Variants in KCNMB4 observed in about 807,000 individuals in gnomAD.
KCNMB4 encodes potassium calcium-activated channel subfamily M regulatory beta subunit 4.
KCNMB4 carries 3 observed loss-of-function variants against 20.7 expected under a neutral mutation model. That is an observed-to-expected ratio of 0.14 (90% CI 0.07 to 0.37). The LOEUF (loss-of-function observed/expected upper bound fraction) is 0.37. Ranked by LOEUF, KCNMB4 falls within the 10% of genes least tolerant of loss-of-function variation. The pLI, the probability that KCNMB4 is intolerant of heterozygous loss-of-function variation, is 1.00. For missense variants in KCNMB4, 168 were observed against 265.9 expected, an observed-to-expected ratio of 0.63 and a Z score of 2.56; for synonymous variants, 110 against 113.4, an observed-to-expected ratio of 0.97 and a Z score of 0.19.
intron 1 of KCNMB4, among the ~76,000 whole-genome samples, chr12:70,398,620 T>C (rs910539909): frequency 5.3e-4 from 55 of 104,056 alleles, no homozygotes; most frequent in African/African-American, 2.7e-3. Flanking sequence ...TACTAAAATT[T>C]ATAATGTCTA....
intron 1 of KCNMB4, among the ~76,000 whole-genome samples, chr12:70,388,162 C>A (rs181176991): frequency 6.6e-6 from 1 of 152,068 alleles, no homozygotes; most frequent in Non-Finnish European, 1.5e-5. Flanking sequence ...GGATCTCATT[C>A]TTTTTTATAG....
intron 1 of KCNMB4, 46 bp downstream of exon 1, chr12:70,367,116 G>T: frequency 6.9e-7 from 1 of 1,447,054 alleles, no homozygotes; most frequent in Non-Finnish European, 9.2e-7. Context: ...AGGGAGGTTT[G>T]GAGGCAGCGT....
intron 1 of KCNMB4, among the ~76,000 whole-genome samples, chr12:70,385,934 G>A (rs710664): frequency 0.57 from 86,367 of 151,952 alleles, 25,836 homozygotes; most frequent in African/African-American, 0.76. Flanking sequence ...GTGAAAACAG[G>A]TAACTTTAAT....
chr12:70,371,659 T>C (rs1883598068), intron 1 of KCNMB4, among the ~76,000 whole-genome samples: 1 of 152,200 alleles, frequency 6.6e-6, no homozygotes, highest in Non-Finnish European at 1.5e-5. Context: ...TAAAATTCAA[T>C]CAGGAAATCC....
chr12:70,389,890 C>T (rs964428720), intron 1 of KCNMB4, among the ~76,000 whole-genome samples: 4 of 151,944 alleles, frequency 2.6e-5, no homozygotes, highest in African/African-American at 7.3e-5. Context: ...AATAGCTTTC[C>T]GAGAATGGGT....
At chr12:70,417,636 A>G (rs1308875108) in intron 2 of KCNMB4, among the ~76,000 whole-genome samples, 2 of 152,224 alleles carry the variant, frequency 1.3e-5, no homozygotes, top group African/African-American at 4.8e-5. Flanking sequence ...AAATACATCC[A>G]TGATATTTGC....
At chr12:70,381,770 G>A (rs562905364) in intron 1 of KCNMB4, among the ~76,000 whole-genome samples, 1 of 152,328 alleles carries the variant, frequency 6.6e-6, no homozygotes, top group South Asian at 2.1e-4. Flanking sequence ...TCTTTTTGGT[G>A]TAATGAAAAC....
intron 2 of KCNMB4, among the ~76,000 whole-genome samples, chr12:70,414,099 G>A (rs1242740007): frequency 2.0e-5 from 3 of 152,050 alleles, no homozygotes; most frequent in Non-Finnish European, 2.9e-5. Flanking sequence ...AGGCGTGGTG[G>A]TGCATGCCTG....
chr12:70,375,200 CTTGTT>C (rs1299542072), intron 1 of KCNMB4, among the ~76,000 whole-genome samples: 1 of 152,146 alleles, frequency 6.6e-6, no homozygotes, highest in Non-Finnish European at 1.5e-5. Flanking sequence ...CTGCCACTCT[CTTGTT>C]TAGTGCTGTC....
chr12:70,423,437 A>G (rs553670914), intron 2 of KCNMB4, among the ~76,000 whole-genome samples: 7 of 152,090 alleles, frequency 4.6e-5, no homozygotes, highest in Non-Finnish European at 1.0e-4. Flanking sequence ...GCAAACCATA[A>G]TCTTGTTATA....
chr12:70,367,862 A>G (rs1261987578), intron 1 of KCNMB4, among the ~76,000 whole-genome samples: 1 of 151,928 alleles, frequency 6.6e-6, no homozygotes, highest in Non-Finnish European at 1.5e-5. Flanking sequence ...AAGCAAGAAG[A>G]AAAAGAAAAA....
At chr12:70,407,561 G>A (rs1301776557) in intron 2 of KCNMB4, among the ~76,000 whole-genome samples, 3 of 133,472 alleles carry the variant, frequency 2.2e-5, no homozygotes, top group South Asian at 2.6e-4. Flanking sequence ...TCCGCCTCCC[G>A]GGTTCACACC....
chr12:70,407,866 A>G (rs1353178176), intron 2 of KCNMB4, among the ~76,000 whole-genome samples: 2 of 152,020 alleles, frequency 1.3e-5, no homozygotes, highest in Non-Finnish European at 2.9e-5. Context: ...AAACTTGGGC[A>G]TGGTTGAAAG....
chr12:70,373,881 GA>G (rs1342298743), intron 1 of KCNMB4, among the ~76,000 whole-genome samples: 3 of 152,178 alleles, frequency 2.0e-5, no homozygotes, highest in Admixed American at 1.3e-4. Flanking sequence ...AGCTACTCTG[GA>G]GGCTGAGGAG....
intron 1 of KCNMB4, among the ~76,000 whole-genome samples, chr12:70,375,120 T>C (rs1002451508): frequency 2.0e-5 from 3 of 152,218 alleles, no homozygotes; most frequent in Admixed American, 6.5e-5. Context: ...AACCCACTTT[T>C]ATTCTGGAGT....
At chr12:70,402,658 A>AG (rs1319513533) in intron 2 of KCNMB4, among the ~76,000 whole-genome samples, 23 of 149,838 alleles carry the variant, frequency 1.5e-4, no homozygotes, top group African/African-American at 5.4e-4. Context: ...CTGCCTCAAA[A>AG]AAAAAAAAAA....
intron 2 of KCNMB4, among the ~76,000 whole-genome samples, chr12:70,406,164 A>G (rs376208761): frequency 1.1e-4 from 17 of 152,316 alleles, no homozygotes; most frequent in African/African-American, 4.1e-4. Context: ...ATGGCCATAA[A>G]GTTTCAGTCA....
intron 1 of KCNMB4, among the ~76,000 whole-genome samples, chr12:70,396,894 G>A (rs933459677): frequency 1.3e-5 from 2 of 152,132 alleles, no homozygotes; most frequent in African/African-American, 4.8e-5. Context: ...CCGTGCTTTG[G>A]ACTTTCATTT....
chr12:70,400,408 A>G (rs1179766517), intron 2 of KCNMB4, 72 bp downstream of exon 2: 19 of 1,437,292 alleles, frequency 1.3e-5, no homozygotes, highest in Non-Finnish European at 1.8e-5. Context: ...GTTATATCGT[A>G]GATTATGCCC....
Sources: allele counts gnomAD v4.1 joint callset (sites outside exome capture counted in the v4.1 genomes callset), GRCh38; gene constraint gnomAD v4.1.1; transcripts MANE v1.5; gene names NCBI Gene and HGNC (gene_info 2026-07-23, HGNC 2026-07-21).